Variants in REN observed in about 807,000 individuals in gnomAD.
REN encodes angiotensin-forming enzyme.
In REN, 42 loss-of-function variants were observed where a neutral mutation model predicts 48.6. The ratio of observed to expected loss-of-function variants is 0.86; its 90% confidence interval spans 0.68 to 1.12. The LOEUF (loss-of-function observed/expected upper bound fraction) is 1.12, where lower values mean the gene tolerates loss of function less well. Ranked by LOEUF, REN falls within the 50% of genes most tolerant of loss-of-function variation. REN has a pLI of 0.00. For synonymous variants in REN, 196 were observed against 204.6 expected (o/e 0.96, Z 0.36); for missense variants, 443 against 527.3 (o/e 0.84, Z 1.57).
chr1:204,155,304 T>G (rs1658129214), intron 9 of REN, 127 bp from the exon 10 acceptor site: 2 of 1,074,512 alleles, frequency 1.9e-6, no homozygotes, highest in African/African-American at 1.6e-5. Context: ...CTAGCCACAC[T>G]GGGCCTCCCT....
At chr1:204,159,225 T>G in intron 5 of REN, 174 bp downstream of exon 5, 1 of 701,788 alleles carries the variant, frequency 1.4e-6, no homozygotes, top group East Asian at 2.7e-5. Context: ...TAACTGTATT[T>G]AATTAATTTA....
At position 204,154,913 on chromosome 1, in the gene REN, T is replaced by G; in HGVS notation, c.*103A>C. The G allele has an allele frequency of 7.4e-7, 1 of 1,351,614 alleles. No homozygotes were observed. The highest frequency in any genetic ancestry group is 1.4e-5 in the African/African-American group (1 of 70,036). The allele number at this position is 1,351,614 out of a possible 1,614,324, so 83.7% of individuals were successfully genotyped here. On this transcript the variant is annotated 3_prime_UTR_variant, in exon 10 of 10. Transcript: ENST00000272190. ...CATCCAGCAGGAGCTCCACATCCAA[T>G]GTCTCCATCTGAGGGCATAAGCCCA...
At position 204,156,613 on chromosome 1, in the gene REN, A is replaced by T; in HGVS notation, c.818+64T>A. ...CAGGATGGTAATGCAGTCCTTCCCC[A>T]CCCTCCCCAACCCCAGTGACGGCAG... On this transcript the variant is annotated intron_variant, in intron 7 of 9. Transcript: ENST00000272190. The surrounding 1 kb of genome is among the most constrained non-coding windows in gnomAD (Gnocchi z 4.2). 8.7e-7 allele frequency: 1 copy of T among 1,146,372 alleles called. No individual in the cohort carries two copies. The allele number at this position is 1,146,372 out of a possible 1,614,324, so 71.0% of individuals were successfully genotyped here.
chr1:204,162,373 G>T (rs1002872818), intron 1 of REN, among the ~76,000 whole-genome samples: 4 of 152,156 alleles, frequency 2.6e-5, no homozygotes, highest in African/African-American at 9.7e-5. Flanking sequence ...GCTGCCCGGG[G>T]ATTAAATAAC....
rs763240430 is a variant in REN, at chr1:204,155,195, A to G, written c.1060-18T>C. 3.7e-6 allele frequency: 6 copies of G among 1,613,678 alleles called. No individual in the cohort carries two copies. The South Asian group carries it at 5.5e-5, about 15-fold the overall frequency. ...TAGGATTCCTGGCAGGAAGGGGGAG[A>G]GTTTCTCCATACCCAGCACATGAGC... On this transcript the variant is annotated intron_variant, in intron 9 of 9. Coordinates refer to ENST00000272190, the MANE Select transcript of REN (RefSeq NM_000537.4).
At chr1:204,160,449 G>C (rs751083384) in intron 4 of REN, 111 bp downstream of exon 4, 1 of 788,298 alleles carries the variant, frequency 1.3e-6, no homozygotes, top group African/African-American at 1.7e-5. Flanking sequence ...AGCTCCCCAG[G>C]CTCCAAGTGG....
chr1:204,164,727 C>T lies in REN; in HGVS notation c.98+1469G>A, dbSNP rs1338850986. 2.0e-5 allele frequency among the ~76,000 whole-genome samples: 3 copies of T among 152,020 alleles called. No homozygotes were observed. In the East Asian group the frequency reaches 5.8e-4, roughly 29 times the overall value. ...CTGGGACTACAGATTTGCACCACCACACCTAGCTAATTTTTGTATTTGTAC... is the reference window on the plus strand; with the variant it reads ...CTGGGACTACAGATTTGCACCACCATACCTAGCTAATTTTTGTATTTGTAC... On this transcript the variant is annotated intron_variant, in intron 1 of 9. Coordinates refer to ENST00000272190, the MANE Select transcript of REN (RefSeq NM_000537.4).
At chr1:204,158,656 C>A (rs1299296301) in intron 5 of REN, among the ~76,000 whole-genome samples, 1 of 152,200 alleles carries the variant, frequency 6.6e-6, no homozygotes, top group African/African-American at 2.4e-5. Flanking sequence ...AGAGCCCAAC[C>A]CTGCTCAAGA....
chr1:204,161,795 C>T (rs766864083), intron 2 of REN, among the ~76,000 whole-genome samples: 4 of 152,164 alleles, frequency 2.6e-5, no homozygotes, highest in Non-Finnish European at 4.4e-5. Context: ...GGCTGAGTTC[C>T]AAACCTAACC....
intron 1 of REN, among the ~76,000 whole-genome samples, chr1:204,165,373 C>G (rs777412764): frequency 2.6e-5 from 4 of 152,190 alleles, no homozygotes; most frequent in Non-Finnish European, 5.9e-5. Context: ...CTAAAATCCC[C>G]AAAGCAGCCC....
At chr1:204,165,019 T>A (rs1051426269) in intron 1 of REN, among the ~76,000 whole-genome samples, 1 of 152,038 alleles carries the variant, frequency 6.6e-6, no homozygotes, top group African/African-American at 2.4e-5. Flanking sequence ...TTGACCAGGC[T>A]GGAGTGCAAT....
chr1:204,161,166 C>T, intron 3 of REN, 126 bp downstream of exon 3: 1 of 1,072,112 alleles, frequency 9.3e-7, no homozygotes, highest in East Asian at 2.5e-5. Flanking sequence ...TGTCAGTGGG[C>T]ACAGAGGCAG....
intron 4 of REN, 23 bp downstream of exon 4, chr1:204,160,537 T>C (rs201038244): frequency 7.4e-5 from 114 of 1,532,956 alleles, no homozygotes; most frequent in Non-Finnish European, 9.9e-5. Flanking sequence ...CCGGGGCAGA[T>C]GACCTAGGGC....
In REN at chr1:204,155,863, C is replaced by T; in HGVS notation, c.1016G>A (p.Gly339Glu). The T allele has an allele frequency of 6.2e-7, 1 of 1,614,068 alleles. No individual in the cohort carries two copies. The highest frequency in any genetic ancestry group is 1.1e-5 in the South Asian group (1 of 91,052). ...PTLPDISFHL[G>E]GKEYTLTSAD... ...GCTGGTGAGCGTGTATTCTTTGCCT[C>T]CCAGGTGGAAAGAGATGTCGGGGAG... is the stretch of plus-strand genomic sequence containing the variant. The change falls in exon 9 of 10, where the codon GGA becomes GAA. Residue 339 changes from glycine (G) to glutamate (E), a missense_variant. Gly to Glu is a moderately conservative substitution (Grantham distance 98). Coordinates refer to ENST00000272190, the MANE Select transcript of REN (RefSeq NM_000537.4).
chr1:204,158,668 C>T (rs1044193445), intron 5 of REN, among the ~76,000 whole-genome samples: 2 of 152,200 alleles, frequency 1.3e-5, no homozygotes, highest in African/African-American at 4.8e-5. Context: ...TGCTCAAGAG[C>T]TTCCCCAAGG....
chr1:204,154,827 T>G lies in REN; in HGVS notation c.*189A>C, dbSNP rs1658120343. On this transcript the variant is annotated 3_prime_UTR_variant, in exon 10 of 10. Transcript: ENST00000272190. ...ACCCAGATGCAACAGGCTGTGAACA[T>G]GAAGTCTTTATTCTCTTTGTCCTCA... 1.5e-6 allele frequency: 1 copy of G among 662,562 alleles called. No individual in the cohort carries two copies. Among genetic ancestry groups the G allele is most frequent in the South Asian group, 1.8e-5 (1 of 55,872 alleles). 41.0% of individuals were successfully genotyped at this position (662,562 alleles called of 1,614,324 possible). A position where few individuals can be genotyped will look rare whatever the true frequency, so the allele number is the denominator to read the frequency against.
chr1:204,161,335 A>G lies in REN; in HGVS notation c.330T>C (p.Val110=). The G allele has an allele frequency of 6.2e-7, 1 of 1,609,476 alleles. No homozygotes were observed. Residue 110 remains valine (V), a synonymous_variant, in exon 3 of 10, where the codon GTT becomes GTC. Coordinates refer to ENST00000272190, the MANE Select transcript of REN (RefSeq NM_000537.4). The stretch of plus-strand genomic sequence containing the variant: ...GGCTGCACTTGGAGGAGGGCACCCA[A>G]ACATTGGACGAACCAGTGTCAAAGA... ...KVVFDTGSSN[V]WVPSSKCSRL...
chr1:204,161,540 G>T, intron 2 of REN, 125 bp from the exon 3 acceptor site: 1 of 945,598 alleles, frequency 1.1e-6, no homozygotes, highest in Non-Finnish European at 1.4e-6. Context: ...GCCTCTCGGG[G>T]TTTCCATTTT....
At position 204,156,579 on chromosome 1, in the gene REN, G is replaced by GA; in HGVS notation, c.818+97dup. On this transcript the variant is annotated intron_variant, in intron 7 of 9. Transcript: ENST00000272190. The surrounding 1 kb of genome is among the most constrained non-coding windows in gnomAD (Gnocchi z 4.2). ...TGTGCTTAAGAAGTGGCTGCATTTG[G>GA]AAAGAGGGCAGGATGGTAATGCAGT... is the stretch of plus-strand genomic sequence containing the variant. The GA allele has an allele frequency of 1.3e-6, 2 of 1,543,162 alleles. No individual in the cohort carries two copies. Among genetic ancestry groups the GA allele is most frequent in the South Asian group, 2.2e-5 (2 of 89,098 alleles).
Sources: gnomAD v4.1 joint callset for allele counts (sites outside exome capture counted in the v4.1 genomes callset) on GRCh38, gnomAD v4.1.1 for gene constraint, Gnocchi (gnomAD v3.1) non-coding constraint, MANE v1.5 for transcripts, NCBI Gene and HGNC (gene_info 2026-07-23, HGNC 2026-07-21) for gene names.